GIGYF2: variants seen among roughly 807,000 people sequenced by gnomAD.
GIGYF2 encodes GRB10-interacting GYF protein 2.
Under a neutral mutation model 208.1 loss-of-function variants are expected in GIGYF2, and 25 were observed. The ratio of observed to expected loss-of-function variants is 0.12; its 90% CI spans 0.09 to 0.17. GIGYF2 has a LOEUF of 0.17. Ranked by LOEUF, GIGYF2 falls within the 10% of genes least tolerant of loss-of-function variation. GIGYF2 has a pLI of 1.00. For synonymous variants in GIGYF2, 534 were observed against 543.8 expected, an observed-to-expected ratio of 0.98 and a Z score of 0.25; for missense variants, 1,302 against 1,579.4, an observed-to-expected ratio of 0.82 and a Z score of 2.98.
At chr2:232,782,178 A>C (rs1394415622) in intron 8 of GIGYF2, among the ~76,000 whole-genome samples, 1 of 152,220 alleles carries the variant, frequency 6.6e-6, no homozygotes, top group Non-Finnish European at 1.5e-5. Flanking sequence ...CAAGCAAACA[A>C]ATGGTAAATT....
chr2:232,852,165 G>A (rs552254685), intron 28 of GIGYF2, among the ~76,000 whole-genome samples: 2 of 152,288 alleles, frequency 1.3e-5, no homozygotes, highest in East Asian at 3.9e-4. Context: ...TGTACCCTTG[G>A]TAGGATTCTC....
At chr2:232,732,803 A>G (rs1471503864) in intron 2 of GIGYF2, among the ~76,000 whole-genome samples, 1 of 151,622 alleles carries the variant, frequency 6.6e-6, no homozygotes, top group Non-Finnish European at 1.5e-5. Flanking sequence ...TAATTTTTAT[A>G]TATTTTTGTG....
At chr2:232,818,980 T>TC (rs1156576810) in intron 20 of GIGYF2, among the ~76,000 whole-genome samples, 4 of 152,118 alleles carry the variant, frequency 2.6e-5, no homozygotes, top group Non-Finnish European at 5.9e-5. Flanking sequence ...TCTTTTTTTT[T>TC]CTTTTTCTTT....
chr2:232,735,933 AC>A (rs922431481), intron 3 of GIGYF2: 30 of 984,038 alleles, frequency 3.0e-5, no homozygotes, highest in African/African-American at 5.2e-5. Context: ...ACCTCGGGCA[AC>A]CCCTTTGGTA....
chr2:232,797,981 C>CAAAAA (rs57991158), intron 14 of GIGYF2, among the ~76,000 whole-genome samples: 12 of 102,390 alleles, frequency 1.2e-4, no homozygotes, highest in African/African-American at 4.1e-4. Context: ...ACTGTGCCTC[C>CAAAAA]AAAAAAAAAA....
chr2:232,700,974 AG>A (rs777107728), intron 1 of GIGYF2, among the ~76,000 whole-genome samples: 27 of 152,256 alleles, frequency 1.8e-4, no homozygotes, highest in Non-Finnish European at 2.8e-4. Flanking sequence ...TTAGCATTGC[AG>A]TGTTTCTTGA....
intron 5 of GIGYF2, among the ~76,000 whole-genome samples, chr2:232,752,338 A>C (rs566590945): frequency 9.9e-5 from 15 of 152,270 alleles, no homozygotes; most frequent in African/African-American, 3.4e-4. Flanking sequence ...TTAATAACTT[A>C]AAGCAGGCTT....
intron 3 of GIGYF2, among the ~76,000 whole-genome samples, chr2:232,744,520 GT>G (rs980581554): frequency 6.7e-6 from 1 of 149,238 alleles, no homozygotes; most frequent in Non-Finnish European, 1.5e-5. Flanking sequence ...GAAAGATTGT[GT>G]TTTTTTTTCT....
chr2:232,794,920 A>G lies in GIGYF2; in HGVS notation c.1455A>G (p.Glu485=), dbSNP rs547560862. Reference sequence around the variant, plus strand: ...GTGTTTCCACAGAACCTGATGATGAAGAAGGTCTCAAACATTTGGAGCAGG... The same window carrying G: ...GTGTTTCCACAGAACCTGATGATGAGGAAGGTCTCAAACATTTGGAGCAGG... The part of the protein sequence containing the change: ...MGSVSTEPDD[E]EGLKHLEQQA... The change falls in exon 13 of 29, where the codon GAA becomes GAG. Residue 485 remains glutamate, a synonymous_variant. Transcript: ENST00000373563. 5 of 1,613,720 alleles carry G rather than the reference A, an allele frequency of 3.1e-6. No individual in the cohort carries two copies. Among genetic ancestry groups the G allele is most frequent in the African/African-American group, 1.3e-5 (1 of 75,030 alleles).
chr2:232,836,782 TCCTAATTG>T (rs919922978), intron 22 of GIGYF2, among the ~76,000 whole-genome samples: 4 of 152,236 alleles, frequency 2.6e-5, no homozygotes, highest in African/African-American at 9.6e-5. Flanking sequence ...ACCAGTCTCC[TCCTAATTG>T]CCTTTTATCC....
intron 21 of GIGYF2, among the ~76,000 whole-genome samples, chr2:232,826,087 C>T (rs931150926): frequency 2.6e-5 from 4 of 152,146 alleles, no homozygotes; most frequent in Non-Finnish European, 4.4e-5. Flanking sequence ...GCCACATTTT[C>T]TTAATCCAGT....
intron 8 of GIGYF2, among the ~76,000 whole-genome samples, chr2:232,769,398 G>A (rs1699128999): frequency 6.6e-6 from 1 of 151,206 alleles, no homozygotes; most frequent in South Asian, 2.1e-4. Flanking sequence ...GGGTCTGGTG[G>A]CACATGCCTG....
intron 14 of GIGYF2, among the ~76,000 whole-genome samples, chr2:232,798,464 T>A (rs1447183793): frequency 1.3e-5 from 2 of 152,218 alleles, no homozygotes; most frequent in Non-Finnish European, 2.9e-5. Context: ...AGTTCTATGC[T>A]TAGTTTTAAA....
chr2:232,851,839 G>A (rs1690347276), intron 28 of GIGYF2, among the ~76,000 whole-genome samples: 1 of 152,236 alleles, frequency 6.6e-6, no homozygotes, highest in Admixed American at 6.5e-5. Flanking sequence ...GGGCAGAACA[G>A]TGAGGAGGCT....
intron 5 of GIGYF2, among the ~76,000 whole-genome samples, chr2:232,750,596 C>A (rs1408327629): frequency 1.3e-5 from 2 of 152,074 alleles, no homozygotes; most frequent in Non-Finnish European, 2.9e-5. Flanking sequence ...CATTTCTTTG[C>A]CTGTAGCAGT....
At chr2:232,788,588 A>G (rs1228956235) in intron 9 of GIGYF2, 2 of 470,772 alleles carry the variant, frequency 4.2e-6, no homozygotes, top group South Asian at 3.1e-5. Context: ...AAAAACAAAC[A>G]AGGTGAATGT....
chr2:232,749,865 G>C (rs1412219624), intron 5 of GIGYF2, among the ~76,000 whole-genome samples: 1 of 151,916 alleles, frequency 6.6e-6, no homozygotes, highest in African/African-American at 2.4e-5. Flanking sequence ...TTTTCAAGAG[G>C]GTTTTAAACT....
chr2:232,831,226 G>A lies in GIGYF2; in HGVS notation c.2530-1631G>A, dbSNP rs144154366. Reference sequence around the variant, plus strand: ...GTAAGTAGTACTGTAAGTCAGGACTGTACTGACTCCTTGGAAGTCACTCTG... The same window carrying A: ...GTAAGTAGTACTGTAAGTCAGGACTATACTGACTCCTTGGAAGTCACTCTG... On this transcript the variant is annotated intron_variant, in intron 21 of 28. Coordinates refer to ENST00000373563, the MANE Select transcript of GIGYF2 (RefSeq NM_001103146.3). 1.7e-3 allele frequency among the ~76,000 whole-genome samples: 254 copies of A among 152,314 alleles called. 1 individual carries two copies. Among genetic ancestry groups the A allele is most frequent in the African/African-American group, 5.9e-3 (246 of 41,574 alleles).
At chr2:232,780,629 A>G (rs1699682149) in intron 8 of GIGYF2, among the ~76,000 whole-genome samples, 1 of 152,222 alleles carries the variant, frequency 6.6e-6, no homozygotes, top group Non-Finnish European at 1.5e-5. Context: ...CATTGACTGT[A>G]GATTAAGAAT....
Sources: allele counts gnomAD v4.1 joint callset (sites outside exome capture counted in the v4.1 genomes callset), GRCh38; gene constraint gnomAD v4.1.1; transcripts MANE v1.5; gene names NCBI Gene and HGNC (gene_info 2026-07-23, HGNC 2026-07-21).